Variants in WDR64 observed in about 807,000 individuals in gnomAD.
The protein encoded by WDR64 is WD repeat-containing protein 64.
Under a neutral mutation model 139.3 loss-of-function variants are expected in WDR64, and 112 were observed. The observed-to-expected ratio is 0.80, with a 90% CI of 0.69 to 0.94. The LOEUF (loss-of-function observed/expected upper bound fraction) is 0.94. Ranked by LOEUF, WDR64 falls within the 40% of genes least tolerant of loss-of-function variation. WDR64 has a pLI of 0.00. For missense variants in WDR64, 1,206 were observed against 1,293.1 expected, an observed-to-expected ratio of 0.93 and a Z score of 1.03; for synonymous variants, 444 against 437.7, an observed-to-expected ratio of 1.01 and a Z score of -0.18.
At chr1:241,682,113 A>G (rs1333434728) in intron 6 of WDR64, among the ~76,000 whole-genome samples, 1 of 152,146 alleles carries the variant, frequency 6.6e-6, no homozygotes, top group Non-Finnish European at 1.5e-5. Context: ...TTGCCGTGCA[A>G]AAGCTCTTTA....
At chr1:241,791,066 C>G (rs1425518006) in intron 25 of WDR64, among the ~76,000 whole-genome samples, 2 of 152,236 alleles carry the variant, frequency 1.3e-5, no homozygotes, top group Admixed American at 6.5e-5. Context: ...GTGTGTGGAT[C>G]ACCTGAGGTC....
intron 16 of WDR64, among the ~76,000 whole-genome samples, chr1:241,767,656 C>T (rs532207313): frequency 6.6e-6 from 1 of 152,284 alleles, no homozygotes; most frequent in Admixed American, 6.5e-5. Flanking sequence ...ATGTCTGCCT[C>T]TCTCTTTACA....
intron 20 of WDR64, among the ~76,000 whole-genome samples, chr1:241,774,129 T>C (rs1169089941): frequency 2.0e-5 from 3 of 152,082 alleles, no homozygotes; most frequent in Non-Finnish European, 2.9e-5. Flanking sequence ...ATGAAATCCT[T>C]AGAAAAACAG....
At chr1:241,726,012 G>C (rs12068261) in intron 10 of WDR64, among the ~76,000 whole-genome samples, 17,141 of 151,558 alleles carry the variant, frequency 0.11, 1,061 homozygotes, top group Admixed American at 0.18. Context: ...ACCGTACGAA[G>C]CTAATTATTT....
intron 13 of WDR64, 122 bp from the exon 14 acceptor site, chr1:241,749,425 G>C: frequency 8.7e-7 from 1 of 1,146,680 alleles, no homozygotes; most frequent in East Asian, 2.4e-5. Flanking sequence ...ATCTGAGTAG[G>C]GAATAAATAT....
intron 13 of WDR64, among the ~76,000 whole-genome samples, chr1:241,748,472 A>G (rs12080141): frequency 0.017 from 2,634 of 152,102 alleles, 64 homozygotes; most frequent in African/African-American, 0.06. Context: ...CTTGGGGCCC[A>G]TTTTGTTACT....
At chr1:241,784,773 G>GTGAAACCCTGTCTCTACTGCGAA (rs1658971972) in intron 23 of WDR64, among the ~76,000 whole-genome samples, 1 of 151,696 alleles carries the variant, frequency 6.6e-6, no homozygotes, top group Non-Finnish European at 1.5e-5. Context: ...AACCAACATG[G>GTGAAACCCTGTCTCTACTGCGAA]TGAAACCCTG....
chr1:241,737,735 TTC>T (rs1669382076), intron 10 of WDR64, among the ~76,000 whole-genome samples: 1 of 152,204 alleles, frequency 6.6e-6, no homozygotes, highest in African/African-American at 2.4e-5. Context: ...TACTTCATTG[TTC>T]TTTCTATTCT....
intron 10 of WDR64, among the ~76,000 whole-genome samples, chr1:241,725,600 T>C (rs1574044895): frequency 6.6e-6 from 1 of 152,070 alleles, no homozygotes; most frequent in Non-Finnish European, 1.5e-5. Flanking sequence ...CTAAGGACCT[T>C]TGAGGGGTTC....
In WDR64 at chr1:241,723,385, G is replaced by C; in HGVS notation, c.1143G>C (p.Glu381Asp). Residue 381 changes from glutamate to aspartate, a missense_variant, in exon 10 of 28, where the codon GAG becomes GAC. Physicochemically the swap from Glu to Asp is conservative, Grantham distance 45. Coordinates refer to ENST00000437684, the MANE Select transcript of WDR64 (RefSeq NM_001367482.1). ...KLVGHMFSIA[E>D]IVTNEKDQHV... Reference sequence around the variant, plus strand: ...TAGGACACATGTTCAGTATCGCCGAGATCGTAACCAATGAAAAAGATCAAC... The same window carrying C: ...TAGGACACATGTTCAGTATCGCCGACATCGTAACCAATGAAAAAGATCAAC... The C allele has an allele frequency of 6.2e-7, 1 of 1,613,874 alleles. No individual in the cohort carries two copies. Among genetic ancestry groups the C allele is most frequent in the Non-Finnish European group, 8.5e-7 (1 of 1,179,878 alleles).
At chr1:241,653,273 C>T (rs1398767250) in intron 1 of WDR64, among the ~76,000 whole-genome samples, 3 of 152,178 alleles carry the variant, frequency 2.0e-5, no homozygotes, top group Admixed American at 6.5e-5. Flanking sequence ...ACTAACAGAA[C>T]AAACCCTGCT....
At chr1:241,786,436 C>A (rs1659038782) in intron 23 of WDR64, among the ~76,000 whole-genome samples, 1 of 152,192 alleles carries the variant, frequency 6.6e-6, no homozygotes, top group Non-Finnish European at 1.5e-5. Context: ...TGGCCTAGGG[C>A]ACACACTCCT....
chr1:241,712,910 C>A (rs1668229874), intron 9 of WDR64, among the ~76,000 whole-genome samples: 1 of 151,662 alleles, frequency 6.6e-6, no homozygotes, highest in African/African-American at 2.4e-5. Context: ...GCCTAGGCAA[C>A]AGCAAGAGCC....
At chr1:241,697,044 T>G (rs185207680) in intron 8 of WDR64, among the ~76,000 whole-genome samples, 1 of 152,174 alleles carries the variant, frequency 6.6e-6, no homozygotes, top group Non-Finnish European at 1.5e-5. Flanking sequence ...AGGTTATTCA[T>G]CTGAGATAAT....
At chr1:241,707,189 C>T (rs1667985648) in intron 8 of WDR64, among the ~76,000 whole-genome samples, 1 of 152,194 alleles carries the variant, frequency 6.6e-6, no homozygotes, top group African/African-American at 2.4e-5. Context: ...TTGTAGTTCA[C>T]TGATGTATCT....
intron 14 of WDR64, among the ~76,000 whole-genome samples, chr1:241,752,233 A>G (rs1323425636): frequency 1.3e-5 from 2 of 152,234 alleles, no homozygotes; most frequent in African/African-American, 4.8e-5. Context: ...GCCAATTCCA[A>G]TATAACATAA....
At chr1:241,705,368 C>T (rs1441055776) in intron 8 of WDR64, among the ~76,000 whole-genome samples, 5 of 151,570 alleles carry the variant, frequency 3.3e-5, no homozygotes, top group Non-Finnish European at 5.9e-5. Context: ...GGTGAAACCC[C>T]GTCTCTACTG....
At chr1:241,776,536 G>A (rs1220912568) in intron 21 of WDR64, among the ~76,000 whole-genome samples, 2 of 151,678 alleles carry the variant, frequency 1.3e-5, no homozygotes, top group Non-Finnish European at 2.9e-5. Context: ...GAGTTTTTTG[G>A]GTTTTGTTTG....
intron 15 of WDR64, among the ~76,000 whole-genome samples, chr1:241,760,652 A>G (rs537821761): frequency 1.3e-5 from 2 of 150,322 alleles, no homozygotes; most frequent in South Asian, 4.2e-4. Flanking sequence ...ATGTATTAGC[A>G]AGATGCTCCA....
Sources: gnomAD v4.1 joint callset for allele counts (sites outside exome capture counted in the v4.1 genomes callset) on GRCh38, gnomAD v4.1.1 for gene constraint, MANE v1.5 for transcripts, NCBI Gene and HGNC (gene_info 2026-07-23, HGNC 2026-07-21) for gene names.